Variants in PLEKHN1 observed in about 807,000 individuals in gnomAD.
PLEKHN1 encodes pleckstrin homology domain containing N1.
In PLEKHN1, 68 loss-of-function variants were observed where a neutral mutation model predicts 72.8. The ratio of observed to expected loss-of-function variants is 0.93; its 90% confidence interval spans 0.77 to 1.14. The LOEUF is 1.14. Among genes scored for constraint, PLEKHN1 ranks in the 50% most tolerant of loss-of-function variants. PLEKHN1 has a pLI of 0.00. For synonymous variants in PLEKHN1, 454 were observed against 371.6 expected (o/e 1.22, Z -2.55); for missense variants, 1,015 against 840.5 (o/e 1.21, Z -2.57).
At chr1:973,799 G>A (rs1466392644) in intron 13 of PLEKHN1, 34 bp from the exon 14 acceptor site, 11 of 1,595,364 alleles carry the variant, frequency 6.9e-6, no homozygotes, top group Middle Eastern at 4.5e-4. Flanking sequence ...GCCCCTGGCT[G>A]CCACCCAGGC....
intron 11 of PLEKHN1, 69 bp downstream of exon 11, chr1:973,079 C>G: frequency 7.2e-6 from 11 of 1,532,580 alleles, no homozygotes; most frequent in Non-Finnish European, 9.7e-6. Context: ...GTTGGGGACC[C>G]TGGTTCCTCA....
In PLEKHN1 at chr1:974,659, C is replaced by A; in HGVS notation, c.*84C>A. ...CTCTAACCCACTTCAAATTACAAGT[C>A]AGGGTCTGAACCCAGTGTGATGGGG... On this transcript the variant is annotated 3_prime_UTR_variant, in exon 16 of 16. Coordinates refer to ENST00000379410, the MANE Select transcript of PLEKHN1 (RefSeq NM_032129.3). 8.1e-6 allele frequency: 12 copies of A among 1,487,610 alleles called. No homozygotes were observed. Among genetic ancestry groups the A allele is most frequent in the Non-Finnish European group, 1.1e-5 (12 of 1,112,572 alleles). 92.2% of individuals were successfully genotyped at this position (1,487,610 alleles called of 1,614,324 possible).
intron 11 of PLEKHN1, 60 bp from the exon 12 acceptor site, chr1:973,126 A>G: frequency 6.7e-7 from 1 of 1,497,760 alleles, no homozygotes; most frequent in Non-Finnish European, 9.0e-7. Context: ...TTGCAGCCTC[A>G]GAGAGTTGCA....
rs114918572 is a variant in PLEKHN1 at position 975,801 on chromosome 1, G to A, written c.*1226G>A. ...GCTCCCCCTGCACCCCAGAAGAAAC[G>A]CAGGGTGCGGTTGCATTTGATTTCA... On this transcript the variant is annotated 3_prime_UTR_variant, in exon 16 of 16. Coordinates refer to ENST00000379410, the MANE Select transcript of PLEKHN1 (RefSeq NM_032129.3). 1,474 of 195,296 alleles carry A rather than the reference G, an allele frequency of 7.5e-3. 20 individuals carry two copies. The highest frequency in any genetic ancestry group is 0.049 in the Middle Eastern group (24 of 492). 12.1% of individuals were successfully genotyped at this position (195,296 alleles called of 1,614,324 possible). A position where few individuals can be genotyped will look rare whatever the true frequency, so the allele number is the denominator to read the frequency against.
At position 970,872 on chromosome 1, in the gene PLEKHN1, C is replaced by A; in HGVS notation, c.485-7C>A. 1 of 1,611,620 alleles carries A rather than the reference C, an allele frequency of 6.2e-7. No homozygotes were observed. Among genetic ancestry groups the A allele is most frequent in the Non-Finnish European group, 8.5e-7 (1 of 1,179,930 alleles). Reference sequence around the variant, plus strand: ...GTATGTGTGTGCCCTCTCTGCCCTGCCCGCAGGCCCACTGCCCGCACCCCT... The same window carrying A: ...GTATGTGTGTGCCCTCTCTGCCCTGACCGCAGGCCCACTGCCCGCACCCCT... On this transcript the variant is annotated splice_region_variant and splice_polypyrimidine_tract_variant and intron_variant, in intron 5 of 15. Transcript: ENST00000379410. The surrounding 1 kb of genome is among the most constrained non-coding windows in gnomAD (Gnocchi z 4.2).
At position 970,515 on chromosome 1, in the gene PLEKHN1, G is replaced by C. The variant is rs781512061; in HGVS notation, c.331-6G>C. 2.5e-6 allele frequency: 4 copies of C among 1,613,096 alleles called. No homozygotes were observed. Among genetic ancestry groups the C allele is most frequent in the Non-Finnish European group, 3.4e-6 (4 of 1,179,944 alleles). On this transcript the variant is annotated splice_polypyrimidine_tract_variant and splice_region_variant and intron_variant, in intron 3 of 15. Transcript: ENST00000379410. The surrounding 1 kb of genome is among the most constrained non-coding windows in gnomAD (Gnocchi z 4.2). ...CTCCGCACTGACGACCCTGCTCCCCGCGCAGGATGTCAGCGACTGCTACCT... is the reference window on the plus strand; with the variant it reads ...CTCCGCACTGACGACCCTGCTCCCCCCGCAGGATGTCAGCGACTGCTACCT...
chr1:974,248 A>C, intron 14 of PLEKHN1, 68 bp from the exon 15 acceptor site: 1 of 1,605,900 alleles, frequency 6.2e-7, no homozygotes, highest in East Asian at 2.2e-5. Context: ...CTGCACAGTG[A>C]CAGGCCGCCT....
chr1:972,396 C>G lies in PLEKHN1; in HGVS notation c.974C>G (p.Pro325Arg). 2.5e-6 allele frequency: 4 copies of G among 1,586,522 alleles called. No individual in the cohort carries two copies. The highest frequency in any genetic ancestry group is 2.6e-6 in the Non-Finnish European group (3 of 1,168,528). Residue 325 changes from proline to arginine, a missense_variant, in exon 10 of 16, where the codon CCT (proline) becomes CGT (arginine). By Grantham distance (103) the Pro-to-Arg change is moderately radical. Coordinates refer to ENST00000379410, the MANE Select transcript of PLEKHN1 (RefSeq NM_032129.3). ...VTHREGAPPL[P>R]GAESFPGSQV... ...CACAGGGAGGGGGCCCCGCCGCTGC[C>G]TGGTGCCGAGAGCTTCCCAGGGTCG... is the stretch of plus-strand genomic sequence containing the variant.
At chr1:973,070 T>C (rs1557651752) in intron 11 of PLEKHN1, 60 bp downstream of exon 11, 14 of 1,544,274 alleles carry the variant, frequency 9.1e-6, no homozygotes, top group Middle Eastern at 1.7e-4. Context: ...TAGGTGTGTG[T>C]TGGGGACCCT....
rs893905076 is a variant in PLEKHN1, at chr1:975,140, AAGAGAAG to A, written c.*576_*582del. 3 of 152,142 alleles carry A rather than the reference AAGAGAAG, an allele frequency of 2.0e-5. No individual in the cohort carries two copies. Among genetic ancestry groups the A allele is most frequent in the African/African-American group, 7.3e-5 (3 of 41,136 alleles). 9.4% of individuals were successfully genotyped at this position (152,142 alleles called of 1,614,324 possible). On this transcript the variant is annotated 3_prime_UTR_variant, in exon 16 of 16. Coordinates refer to ENST00000379410, the MANE Select transcript of PLEKHN1 (RefSeq NM_032129.3). Reference sequence around the variant, plus strand: ...AGAGAGAGAGGAGAAGAGAGAAAAGAAGAGAAGAGAGAAGAGAAGAGAAGGAAAGAGA... The same window carrying A: ...AGAGAGAGAGGAGAAGAGAGAAAAGAAGAGAAGAGAAGAGAAGGAAAGAGA...
rs1422822361 is a variant in PLEKHN1 at position 970,970 on chromosome 1, C to CG, written c.582dup (p.Pro195AlafsTer94). 13 of 1,605,368 alleles carry CG rather than the reference C, an allele frequency of 8.1e-6. No individual in the cohort carries two copies. Among genetic ancestry groups the CG allele is most frequent in the African/African-American group, 1.3e-5 (1 of 74,904 alleles). On this transcript the variant is annotated frameshift_variant, in exon 6 of 16. Coordinates refer to ENST00000379410, the MANE Select transcript of PLEKHN1 (RefSeq NM_032129.3). LOFTEE classifies it high-confidence loss of function. This position sits in a 1 kb window ranked among gnomAD's most constrained non-coding sequence, Gnocchi z 4.2. ...ACCTGGAGAAGCAGACGGCCCTCCT[C>CG]GGGGGGCCGCGGCGCTGCCACTCGG...
At chr1:972,190 G>A in intron 9 of PLEKHN1, 40 bp downstream of exon 9, 3 of 1,608,602 alleles carry the variant, frequency 1.9e-6, no homozygotes, top group South Asian at 2.2e-5. Context: ...GCCTGGCCAG[G>A]CCATGGTGGG....
At chr1:968,523 G>A (rs1184627261) in intron 2 of PLEKHN1, among the ~76,000 whole-genome samples, 1 of 152,226 alleles carries the variant, frequency 6.6e-6, no homozygotes, top group African/African-American at 2.4e-5. Context: ...GCACATCCCA[G>A]GCCCTGTCTT....
chr1:974,815 T>C lies in PLEKHN1; in HGVS notation c.*240T>C, dbSNP rs943333222. 3.5e-6 allele frequency: 2 copies of C among 577,622 alleles called. No homozygotes were observed. Among genetic ancestry groups the C allele is most frequent in the African/African-American group, 1.9e-5 (1 of 53,582 alleles). The allele number at this position is 577,622 out of a possible 1,614,324, so 35.8% of individuals were successfully genotyped here. A position where few individuals can be genotyped will look rare whatever the true frequency, so the allele number is the denominator to read the frequency against. On this transcript the variant is annotated 3_prime_UTR_variant, in exon 16 of 16. Transcript: ENST00000379410. ...CTGGCCAGCGAGGCTGGGTCACAGG[T>C]CAGGGAGGTCCTGGCCGTCCACAGG...
chr1:973,886 C>G lies in PLEKHN1; in HGVS notation c.1488C>G (p.Pro496=), dbSNP rs376234306. ...GACCCACGCCCTCGAGCCCACTCCCCTCGGTGCCTGTGTCTGTGCCTGCCT... is the reference window on the plus strand; with the variant it reads ...GACCCACGCCCTCGAGCCCACTCCCGTCGGTGCCTGTGTCTGTGCCTGCCT... ...ARGPTPSSPL[P]SVPVSVPASD... is the part of the protein sequence containing the mutation. Residue 496 remains proline (P), a synonymous_variant, in exon 14 of 16, where the codon CCC becomes CCG. Transcript: ENST00000379410. 6.2e-7 allele frequency: 1 copy of G among 1,611,182 alleles called. No homozygotes were observed.
rs1643228656 is a variant in PLEKHN1 at position 970,137 on chromosome 1, T to C, written c.184-140T>C. ...TGTGGCTGTGCACAGGTTCTGTGCC[T>C]GTGGGGGGCTGTTCTTCACATATGT... is the stretch of plus-strand genomic sequence containing the variant. On this transcript the variant is annotated intron_variant, in intron 2 of 15. Coordinates refer to ENST00000379410, the MANE Select transcript of PLEKHN1 (RefSeq NM_032129.3). This position sits in a 1 kb window ranked among gnomAD's most constrained non-coding sequence, Gnocchi z 4.2. 6.7e-6 allele frequency: 5 copies of C among 750,704 alleles called. No homozygotes were observed. The highest frequency in any genetic ancestry group is 6.3e-6 in the Non-Finnish European group (3 of 477,002). The allele number at this position is 750,704 out of a possible 1,614,324, so 46.5% of individuals were successfully genotyped here. A position where few individuals can be genotyped will look rare whatever the true frequency, so the allele number is the denominator to read the frequency against.
chr1:971,641 G>A, intron 8 of PLEKHN1: 1 of 600,308 alleles, frequency 1.7e-6, no homozygotes, highest in South Asian at 2.0e-5. Flanking sequence ...GGGCAGCATG[G>A]GGCTGAGAGC....
At position 970,994 on chromosome 1, in the gene PLEKHN1, G is replaced by T; in HGVS notation, c.600G>T (p.Ser200=). ...ALLGGPRRCH[S]APPQRRLTRL... is the part of the protein sequence containing the mutation. ...TCGGGGGGCCGCGGCGCTGCCACTC[G>T]GCACCCCCACAGGTCAGTGCCGGGG... The change falls in exon 6 of 16, where the codon TCG becomes TCT. Residue 200 remains serine (S), a synonymous_variant. Coordinates refer to ENST00000379410, the MANE Select transcript of PLEKHN1 (RefSeq NM_032129.3). The surrounding 1 kb of genome is among the most constrained non-coding windows in gnomAD (Gnocchi z 4.2). 1.2e-6 allele frequency: 2 copies of T among 1,604,130 alleles called. No individual in the cohort carries two copies. The highest frequency in any genetic ancestry group is 1.7e-6 in the Non-Finnish European group (2 of 1,175,920).
chr1:969,437 T>TTG lies in PLEKHN1; in HGVS notation c.184-829_184-828dup, dbSNP rs768269811. On this transcript the variant is annotated intron_variant, in intron 2 of 15. Transcript: ENST00000379410. ...TATGTATACGTGTGTGTTGGTGTATTTGTGTGTGTGTGGAAATGTATGCAT... is the reference window on the plus strand; with the variant it reads ...TATGTATACGTGTGTGTTGGTGTATTTGTGTGTGTGTGTGGAAATGTATGCAT... Among the ~76,000 whole-genome samples the TTG allele has an allele frequency of 4.6e-5, 7 of 151,744 alleles. No homozygotes were observed. In the East Asian group the frequency reaches 7.7e-4, roughly 17 times the overall value.
Sources: allele counts gnomAD v4.1 joint callset (sites outside exome capture counted in the v4.1 genomes callset), GRCh38; gene constraint gnomAD v4.1.1; non-coding constraint Gnocchi (gnomAD v3.1); transcripts MANE v1.5; gene names NCBI Gene and HGNC (gene_info 2026-07-23, HGNC 2026-07-21).